Variants in KCNH1 observed in about 807,000 individuals in gnomAD.
KCNH1 encodes the protein potassium voltage-gated channel subfamily H member 1, also known as voltage-gated delayed rectifier potassium channel KCNH1.
In KCNH1, 27 loss-of-function variants were observed where a neutral mutation model predicts 69.2. The observed-to-expected ratio is 0.39, with a 90% CI of 0.29 to 0.54. The LOEUF is 0.54. Among genes scored for constraint, KCNH1 ranks in the 20% least tolerant of loss-of-function variants. KCNH1 has a pLI of 0.68. For missense variants in KCNH1, 798 were observed against 1,261.6 expected (o/e 0.63, Z 5.57); for synonymous variants, 456 against 487.7 (o/e 0.93, Z 0.86).
intron 7 of KCNH1, among the ~76,000 whole-genome samples, chr1:210,854,797 A>G (rs1266420007): frequency 6.6e-6 from 1 of 152,224 alleles, no homozygotes; most frequent in East Asian, 1.9e-4. Flanking sequence ...GAGAGCAGGT[A>G]AGTGTATCAA....
intron 6 of KCNH1, among the ~76,000 whole-genome samples, chr1:211,000,067 G>A (rs931723673): frequency 1.8e-4 from 28 of 152,128 alleles, no homozygotes; most frequent in Non-Finnish European, 4.0e-4. Context: ...TACTGAATGG[G>A]CAAAAACTGG....
intron 9 of KCNH1, among the ~76,000 whole-genome samples, chr1:210,796,399 A>G (rs1684316207): frequency 6.6e-6 from 1 of 152,202 alleles, no homozygotes; most frequent in Non-Finnish European, 1.5e-5. Context: ...AATGGCACAG[A>G]GTAGATGACC....
At chr1:210,849,353 T>TTTTC (rs1435161197) in intron 7 of KCNH1, among the ~76,000 whole-genome samples, 3 of 144,636 alleles carry the variant, frequency 2.1e-5, no homozygotes, top group African/African-American at 2.6e-5. Flanking sequence ...GTGTGTGTGC[T>TTTTC]TTTCTTTCTT....
chr1:211,127,017 A>G (rs1307979201), intron 1 of KCNH1, among the ~76,000 whole-genome samples: 2 of 152,184 alleles, frequency 1.3e-5, no homozygotes, highest in African/African-American at 2.4e-5. Context: ...AAAAATATGT[A>G]GTAAGTGTTG....
rs375646965 is a variant in KCNH1 at position 210,941,044 on chromosome 1, G to A, written c.1033-20975C>T. On this transcript the variant is annotated intron_variant, in intron 6 of 10. Transcript: ENST00000271751. ...TATAGGCATGTTTGGCACTGGGCCT[G>A]AGTATAGTACTGGTCCACTTATCAG... 3.9e-5 allele frequency among the ~76,000 whole-genome samples: 6 copies of A among 152,196 alleles called. No homozygotes were observed. In the East Asian group the frequency reaches 5.8e-4, roughly 15 times the overall value.
intron 7 of KCNH1, among the ~76,000 whole-genome samples, chr1:210,880,814 T>A (rs1686477293): frequency 1.3e-5 from 2 of 151,834 alleles, no homozygotes; most frequent in Admixed American, 1.3e-4. Flanking sequence ...GGGGAAAAAA[T>A]TCCAAAAGAC....
intron 10 of KCNH1, among the ~76,000 whole-genome samples, chr1:210,760,779 C>A: frequency 6.6e-6 from 1 of 152,154 alleles, no homozygotes; most frequent in Non-Finnish European, 1.5e-5. Flanking sequence ...ACCATCAGAT[C>A]TCATGAGACT....
chr1:210,741,030 A>C (rs748665208), intron 10 of KCNH1, among the ~76,000 whole-genome samples: 2 of 152,178 alleles, frequency 1.3e-5, no homozygotes, highest in African/African-American at 2.4e-5. Flanking sequence ...AAGAAAATTC[A>C]AGTCTCTAAA....
intron 5 of KCNH1, among the ~76,000 whole-genome samples, chr1:211,076,672 G>A (rs1690739704): frequency 6.6e-6 from 1 of 152,230 alleles, no homozygotes; most frequent in Non-Finnish European, 1.5e-5. Context: ...CAGGAAAGCT[G>A]AAAATTCCAA....
At chr1:210,918,478 A>C (rs1687392176) in intron 7 of KCNH1, among the ~76,000 whole-genome samples, 1 of 152,282 alleles carries the variant, frequency 6.6e-6, no homozygotes, top group South Asian at 2.1e-4. Flanking sequence ...TGCTTTTTCC[A>C]TCCCAGTTAG....
Position 210,847,255 on chromosome 1 carries a change from G to A in KCNH1, c.1463-43089C>T, listed in dbSNP as rs369524086. Reference sequence around the variant, plus strand: ...GCATATACCCAAAGGACTACAAATCGTGCTGCTATAAAGACACATGCACAC... The same window carrying A: ...GCATATACCCAAAGGACTACAAATCATGCTGCTATAAAGACACATGCACAC... On this transcript the variant is annotated intron_variant, in intron 7 of 10. Coordinates refer to ENST00000271751, the MANE Select transcript of KCNH1 (RefSeq NM_172362.3). Among the ~76,000 whole-genome samples, 48 of 151,996 alleles carry A rather than the reference G, an allele frequency of 3.2e-4. 1 individual carries two copies. The East Asian group carries it at 7.5e-3, about 24-fold the overall frequency.
chr1:210,695,690 C>A (rs1214338278), intron 10 of KCNH1, among the ~76,000 whole-genome samples: 1 of 152,140 alleles, frequency 6.6e-6, no homozygotes, highest in Non-Finnish European at 1.5e-5. Flanking sequence ...ATGACTTGGG[C>A]AAGTCAATTA....
At chr1:211,092,374 T>A (rs1428141820) in intron 3 of KCNH1, among the ~76,000 whole-genome samples, 1 of 152,226 alleles carries the variant, frequency 6.6e-6, no homozygotes, top group South Asian at 2.1e-4. Flanking sequence ...ATGTCAGTAG[T>A]AATAACCCTG....
At chr1:210,917,526 T>C (rs549374357) in intron 7 of KCNH1, among the ~76,000 whole-genome samples, 160 of 152,282 alleles carry the variant, frequency 1.1e-3, no homozygotes, top group African/African-American at 3.7e-3. Flanking sequence ...TTACCCTTAT[T>C]ATATGCCACC....
chr1:210,739,068 A>G (rs1265642481), intron 10 of KCNH1, among the ~76,000 whole-genome samples: 1 of 152,196 alleles, frequency 6.6e-6, no homozygotes, highest in Admixed American at 6.5e-5. Flanking sequence ...TACATGCTCC[A>G]TGAGAGTTCT....
chr1:211,129,563 GA>G lies in KCNH1; in HGVS notation c.79+4303del, dbSNP rs528877724. On this transcript the variant is annotated intron_variant, in intron 1 of 10. Coordinates refer to ENST00000271751, the MANE Select transcript of KCNH1 (RefSeq NM_172362.3). ...GATTTAACTTTTTGACACTTTCAGA[GA>G]AAGATAGCTGAGCCTTGGCTGAAGA... is the stretch of plus-strand genomic sequence containing the variant. Among the ~76,000 whole-genome samples the G allele has an allele frequency of 5.4e-4, 82 of 152,294 alleles. 2 individuals carry two copies. In the East Asian group the frequency reaches 0.012, roughly 22 times the overall value.
intron 1 of KCNH1, among the ~76,000 whole-genome samples, chr1:211,128,995 G>A (rs1330131191): frequency 6.6e-6 from 1 of 152,188 alleles, no homozygotes; most frequent in African/African-American, 2.4e-5. Context: ...TCCCATCACT[G>A]AAGCTAGTCA....
intron 3 of KCNH1, among the ~76,000 whole-genome samples, chr1:211,093,575 T>C (rs1691093149): frequency 6.6e-6 from 1 of 152,220 alleles, no homozygotes; most frequent in Non-Finnish European, 1.5e-5. Flanking sequence ...CATGAGCCAC[T>C]GCACCTGGCC....
Position 211,046,081 on chromosome 1 carries a change from A to G in KCNH1, c.559-26825T>C, listed in dbSNP as rs1690091103. ...CACCCTATTTCTTTATTCACGTAAT[A>G]TAACAAATATACAAAATAATGCATT... On this transcript the variant is annotated intron_variant, in intron 5 of 10. Transcript: ENST00000271751. Among the ~76,000 whole-genome samples, 4 of 152,210 alleles carry G rather than the reference A, an allele frequency of 2.6e-5. No individual in the cohort carries two copies. In the South Asian group the frequency reaches 8.3e-4, roughly 31 times the overall value.
Sources: gnomAD v4.1 joint callset for allele counts (sites outside exome capture counted in the v4.1 genomes callset) on GRCh38, gnomAD v4.1.1 for gene constraint, MANE v1.5 for transcripts, NCBI Gene and HGNC (gene_info 2026-07-23, HGNC 2026-07-21) for gene names.